The following TENM3 variants were observed in gnomAD, a reference collection of about 807,000 sequenced individuals.
TENM3 encodes teneurin transmembrane protein 3, also known as teneurin-3.
A neutral mutation model predicts 255.1 loss-of-function variants in TENM3; 63 were observed. The observed-to-expected ratio is 0.25, with a 90% confidence interval of 0.20 to 0.30. The LOEUF (loss-of-function observed/expected upper bound fraction) is 0.30. Ranked by LOEUF, TENM3 falls within the 10% of genes least tolerant of loss-of-function variation. TENM3 has a pLI of 1.00. For missense variants in TENM3, 2,929 were observed against 3,461.1 expected, an observed-to-expected ratio of 0.85 and a Z score of 3.86; for synonymous variants, 1,306 against 1,322.3, an observed-to-expected ratio of 0.99 and a Z score of 0.27.
At chr4:182,315,352 T>C (rs1171698698) in intron 1 of TENM3, among the ~76,000 whole-genome samples, 1 of 152,180 alleles carries the variant, frequency 6.6e-6, no homozygotes, top group Non-Finnish European at 1.5e-5. Context: ...TCCAAAAAGG[T>C]ATTTATTTCA....
At chr4:182,312,913 CCT>C (rs1261552071) in intron 1 of TENM3, among the ~76,000 whole-genome samples, 19 of 152,232 alleles carry the variant, frequency 1.2e-4, no homozygotes, top group African/African-American at 4.1e-4. Context: ...TGTAGTTATT[CCT>C]CTGTTTGCAA....
intron 3 of TENM3, among the ~76,000 whole-genome samples, chr4:182,574,908 C>T (rs1744773525): frequency 6.6e-6 from 1 of 152,178 alleles, no homozygotes; most frequent in African/African-American, 2.4e-5. Flanking sequence ...ATAAGCCTTA[C>T]ATCTGGCTGT....
At chr4:182,016,682 C>A in the TENM3 span, among the ~76,000 whole-genome samples, 1 of 152,148 alleles carries the variant, frequency 6.6e-6, no homozygotes, top group Non-Finnish European at 1.5e-5. Context: ...CCAAAATATA[C>A]CCATCATATC....
chr4:181,559,718 T>A, the TENM3 span, among the ~76,000 whole-genome samples: 1 of 152,192 alleles, frequency 6.6e-6, no homozygotes, highest in African/African-American at 2.4e-5. Flanking sequence ...CACGCCTGCA[T>A]CATTCTGCTC....
At chr4:182,392,381 C>T (rs1183915075) in intron 3 of TENM3, among the ~76,000 whole-genome samples, 3 of 152,220 alleles carry the variant, frequency 2.0e-5, no homozygotes, top group African/African-American at 4.8e-5. Context: ...AGCTTGCCAT[C>T]ATTTCTGCAA....
chr4:182,250,692 C>A (rs1757956167), intron 1 of TENM3, among the ~76,000 whole-genome samples: 1 of 152,190 alleles, frequency 6.6e-6, no homozygotes, highest in African/African-American at 2.4e-5. Flanking sequence ...CTATCTATAA[C>A]CTCCAGGAAA....
At chr4:182,342,469 G>T (rs904405759) in intron 2 of TENM3, among the ~76,000 whole-genome samples, 1 of 152,090 alleles carries the variant, frequency 6.6e-6, no homozygotes, top group African/African-American at 2.4e-5. Context: ...GGGGTGGGAG[G>T]GGTGAGGGGA....
chr4:182,665,692 G>A (rs961775811), intron 6 of TENM3, among the ~76,000 whole-genome samples: 9 of 152,056 alleles, frequency 5.9e-5, no homozygotes, highest in Non-Finnish European at 8.8e-5. Context: ...TCAGGAGATC[G>A]AGACCATCCT....
At position 182,238,203 on chromosome 4, in the gene TENM3, GGGTCGTCGGAAGCCT is replaced by G. The variant is rs1356569973; in HGVS notation, c.-75-85740_-75-85726del. Among the ~76,000 whole-genome samples, 50 of 152,142 alleles carry G rather than the reference GGGTCGTCGGAAGCCT, an allele frequency of 3.3e-4. 1 individual carries two copies. The East Asian group carries it at 8.9e-3, about 27-fold the overall frequency. On this transcript the variant is annotated intron_variant, in intron 1 of 2. Coordinates refer to the TENM3 transcript ENST00000512480. Reference sequence around the variant, plus strand: ...TTTAGCCTCAGGATATGTGAGTCTGGGGTCGTCGGAAGCCTGGATCCTCCTCCAGCCATACTGCAA... The same window carrying G: ...TTTAGCCTCAGGATATGTGAGTCTGGGGATCCTCCTCCAGCCATACTGCAA...
rs140385924 is a variant in TENM3 at position 182,479,998 on chromosome 4, T to A, written c.512-120926T>A. ...CAAAAGTAAAGAATAGTTATTTTTT[T>A]TCACATAATCTATTAATATATTGTA... On this transcript the variant is annotated intron_variant, in intron 3 of 27. Coordinates refer to ENST00000511685, the MANE Select transcript of TENM3 (RefSeq NM_001080477.4). Among the ~76,000 whole-genome samples the A allele has an allele frequency of 8.5e-5, 13 of 152,178 alleles. 1 individual carries two copies. Among genetic ancestry groups the A allele is most frequent in the African/African-American group, 3.1e-4 (13 of 41,586 alleles).
chr4:182,336,297 C>T (rs890463900), intron 2 of TENM3, among the ~76,000 whole-genome samples: 4 of 151,800 alleles, frequency 2.6e-5, no homozygotes, highest in Non-Finnish European at 4.4e-5. Context: ...CAACAAATTC[C>T]TAAAGTGAGA....
At chr4:182,209,867 G>A (rs1378127150) in intron 1 of TENM3, among the ~76,000 whole-genome samples, 1 of 152,008 alleles carries the variant, frequency 6.6e-6, no homozygotes, top group African/African-American at 2.4e-5. Flanking sequence ...CAGTTGATGA[G>A]ACCTAGGTGA....
the TENM3 span, among the ~76,000 whole-genome samples, chr4:181,744,398 C>G: frequency 7.2e-5 from 11 of 152,288 alleles, no homozygotes; most frequent in Non-Finnish European, 1.3e-4. Context: ...TTTGAGGAAT[C>G]ACTAAACTGT....
intron 4 of TENM3, among the ~76,000 whole-genome samples, chr4:182,602,658 A>G (rs187942971): frequency 2.0e-5 from 3 of 151,944 alleles, no homozygotes; most frequent in Non-Finnish European, 4.4e-5. Flanking sequence ...AGGAAGAGAA[A>G]GAACAGGAAA....
At chr4:182,135,256 A>C in the TENM3 span, among the ~76,000 whole-genome samples, 1 of 146,932 alleles carries the variant, frequency 6.8e-6, no homozygotes, top group African/African-American at 2.5e-5. Context: ...CCAAAGTTTT[A>C]GGCAAGAGGA....
the TENM3 span, among the ~76,000 whole-genome samples, chr4:181,730,253 C>T: frequency 6.6e-6 from 1 of 152,158 alleles, no homozygotes; most frequent in South Asian, 2.1e-4. Flanking sequence ...TGGCTCTTTT[C>T]CACAAAAGGT....
At chr4:182,679,248 C>T (rs1387072884) in intron 7 of TENM3, among the ~76,000 whole-genome samples, 8 of 151,900 alleles carry the variant, frequency 5.3e-5, no homozygotes, top group East Asian at 1.9e-4. Context: ...TACCAGAGGC[C>T]GGGAGGGCAC....
At chr4:182,727,373 T>C (rs147179664) in intron 13 of TENM3, among the ~76,000 whole-genome samples, 4 of 151,236 alleles carry the variant, frequency 2.6e-5, no homozygotes, top group African/African-American at 9.7e-5. Flanking sequence ...GGAGAATCAC[T>C]TGAACCAGTT....
chr4:182,051,473 G>C, the TENM3 span, among the ~76,000 whole-genome samples: 1 of 150,188 alleles, frequency 6.7e-6, no homozygotes, highest in African/African-American at 2.4e-5. Context: ...CGCCTCCTGG[G>C]TTCACGCCAT....
Sources: gnomAD v4.1 joint callset for allele counts (sites outside exome capture counted in the v4.1 genomes callset) on GRCh38, gnomAD v4.1.1 for gene constraint, MANE v1.5 for transcripts, NCBI Gene and HGNC (gene_info 2026-07-23, HGNC 2026-07-21) for gene names.